ZNF536: variants seen among roughly 807,000 people sequenced by gnomAD.
ZNF536 encodes the protein zinc finger protein 536.
In ZNF536, 13 loss-of-function variants were observed where a neutral mutation model predicts 84.5. That is an observed-to-expected ratio of 0.15 (90% CI 0.10 to 0.24). The LOEUF (loss-of-function observed/expected upper bound fraction) is 0.24. ZNF536 is among the 10% of genes least tolerant of loss of function. The pLI is 1.00. For synonymous variants in ZNF536, 811 were observed against 742.5 expected (o/e 1.09, Z -1.50); for missense variants, 1,536 against 1,747.5 (o/e 0.88, Z 2.16).
At chr19:30,280,926 T>C (rs990445821) in intron 1 of ZNF536, among the ~76,000 whole-genome samples, 2 of 152,176 alleles carry the variant, frequency 1.3e-5, no homozygotes, top group Admixed American at 1.3e-4. Flanking sequence ...CTTGTATGTC[T>C]GCGTTCAGCG....
At chr19:30,339,532 A>G (rs2047496733) in intron 2 of ZNF536, among the ~76,000 whole-genome samples, 1 of 152,134 alleles carries the variant, frequency 6.6e-6, no homozygotes, top group East Asian at 1.9e-4. Context: ...TGTGGCACAC[A>G]CAGGGCTTGC....
intron 2 of ZNF536, among the ~76,000 whole-genome samples, chr19:30,301,867 C>G (rs113770812): frequency 0.013 from 1,914 of 149,888 alleles, 33 homozygotes; most frequent in African/African-American, 0.045. Flanking sequence ...AGGGGAATTA[C>G]CAGGCTGGGT....
chr19:30,432,146 C>T (rs1218848475), intron 1 of ZNF536, among the ~76,000 whole-genome samples: 1 of 152,030 alleles, frequency 6.6e-6, no homozygotes, highest in Non-Finnish European at 1.5e-5. Context: ...GGGGCTATCT[C>T]CTTCTCAAAT....
At chr19:30,407,955 T>A (rs893679919) in intron 1 of ZNF536, among the ~76,000 whole-genome samples, 2 of 152,128 alleles carry the variant, frequency 1.3e-5, no homozygotes, top group Non-Finnish European at 2.9e-5. Flanking sequence ...GTTTCCTTTG[T>A]TGAGAGGAAA....
intron 3 of ZNF536, among the ~76,000 whole-genome samples, chr19:30,538,959 G>T (rs1458384092): frequency 6.6e-6 from 1 of 152,032 alleles, no homozygotes; most frequent in Non-Finnish European, 1.5e-5. Context: ...TGTAATCCCA[G>T]CACTTTGGGA....
At position 30,456,041 on chromosome 19, in the gene ZNF536, A is replaced by G. The variant is rs546493031; in HGVS notation, c.2170+10309A>G. On this transcript the variant is annotated intron_variant, in intron 2 of 4. Transcript: ENST00000355537. ...ATGTGGTTTCTGTAGTAAACACTCAATTCTTTCATAAATAAGAGTGTGATG... is the reference window on the plus strand; with the variant it reads ...ATGTGGTTTCTGTAGTAAACACTCAGTTCTTTCATAAATAAGAGTGTGATG... Among the ~76,000 whole-genome samples the G allele has an allele frequency of 8.5e-5, 13 of 152,322 alleles. 1 individual carries two copies. Among genetic ancestry groups the G allele is most frequent in the African/African-American group, 2.9e-4 (12 of 41,566 alleles).
chr19:30,263,805 A>C (rs192902302), intron 1 of ZNF536, among the ~76,000 whole-genome samples: 1 of 152,062 alleles, frequency 6.6e-6, no homozygotes, highest in East Asian at 1.9e-4. Context: ...CTTTTCCCTG[A>C]ATCTCTCCTG....
intron 1 of ZNF536, among the ~76,000 whole-genome samples, chr19:30,651,280 T>G (rs1205054361): frequency 1.3e-5 from 2 of 152,200 alleles, no homozygotes; most frequent in African/African-American, 4.8e-5. Context: ...AAATGTTGCC[T>G]GTGTGTTTCA....
chr19:30,538,955 C>T (rs2045206234), intron 3 of ZNF536, among the ~76,000 whole-genome samples: 1 of 151,974 alleles, frequency 6.6e-6, no homozygotes, highest in South Asian at 2.1e-4. Flanking sequence ...TACCTGTAAT[C>T]CCAGCACTTT....
chr19:30,631,682 T>G (rs972924851), intron 1 of ZNF536, among the ~76,000 whole-genome samples: 1 of 152,152 alleles, frequency 6.6e-6, no homozygotes, highest in Non-Finnish European at 1.5e-5. Flanking sequence ...GGTGATTCCC[T>G]GGGTTACCAG....
intron 2 of ZNF536, among the ~76,000 whole-genome samples, chr19:30,498,942 A>C (rs2054835055): frequency 6.6e-6 from 1 of 152,030 alleles, no homozygotes; most frequent in Non-Finnish European, 1.5e-5. Context: ...CTGAATCGTC[A>C]CTGCTGTTTC....
rs79129432 is a variant in ZNF536 at position 30,590,943 on chromosome 19, A to G, written c.169+41429A>G. ...CAAGGGGCAAAGGGCACCTGCAGAAAGGAGAAGACCAAGGACTTCTGGTGT... is the reference window on the plus strand; with the variant it reads ...CAAGGGGCAAAGGGCACCTGCAGAAGGGAGAAGACCAAGGACTTCTGGTGT... On this transcript the variant is annotated intron_variant, in intron 1 of 1. Transcript: ENST00000592773. Among the ~76,000 whole-genome samples, 886 of 152,382 alleles carry G rather than the reference A, an allele frequency of 5.8e-3. 2 individuals are homozygous for G. The highest frequency in any genetic ancestry group is 8.1e-3 in the Non-Finnish European group (552 of 68,032).
intron 1 of ZNF536, among the ~76,000 whole-genome samples, chr19:30,404,730 G>GAA (rs1204004863): frequency 1.3e-5 from 2 of 151,978 alleles, no homozygotes; most frequent in Non-Finnish European, 2.9e-5. Flanking sequence ...CAAATGTCCG[G>GAA]AGGCGGGGGG....
In ZNF536 at chr19:30,531,008, G is replaced by T. The variant is rs567268436; in HGVS notation, c.2171-3839G>T. ...TGCTCCCCCAGCCTTCACTGTGCTTGGCTTTCAGCCTCTCTGGACACTTCC... is the reference window on the plus strand; with the variant it reads ...TGCTCCCCCAGCCTTCACTGTGCTTTGCTTTCAGCCTCTCTGGACACTTCC... On this transcript the variant is annotated intron_variant, in intron 2 of 4. Transcript: ENST00000355537. Among the ~76,000 whole-genome samples the T allele has an allele frequency of 2.0e-5, 3 of 152,282 alleles. No homozygotes were observed. In the South Asian group the frequency reaches 6.2e-4, roughly 32 times the overall value.
intron 1 of ZNF536, among the ~76,000 whole-genome samples, chr19:30,435,052 T>A (rs1476562760): frequency 6.7e-6 from 1 of 150,358 alleles, no homozygotes; most frequent in African/African-American, 2.5e-5. Context: ...GTGGTGATGA[T>A]GATGCTGATG....
chr19:30,290,252 T>C (rs2045790443), intron 2 of ZNF536, among the ~76,000 whole-genome samples: 1 of 152,228 alleles, frequency 6.6e-6, no homozygotes, highest in African/African-American at 2.4e-5. Context: ...AGTATGTATA[T>C]ACCACATTTT....
At chr19:30,330,397 A>G (rs1347168) in intron 2 of ZNF536, among the ~76,000 whole-genome samples, 105,269 of 152,056 alleles carry the variant, frequency 0.69, 37,550 homozygotes, top group African/African-American at 0.87. Context: ...TTTTCACTTT[A>G]CATCTGCCTT....
intron 2 of ZNF536, among the ~76,000 whole-genome samples, chr19:30,320,430 A>G (rs567178911): frequency 6.6e-6 from 1 of 152,334 alleles, no homozygotes; most frequent in African/African-American, 2.4e-5. Flanking sequence ...TCTTTCTCAG[A>G]GAAACCATGT....
chr19:30,470,927 A>G (rs534157319), intron 2 of ZNF536, among the ~76,000 whole-genome samples: 5 of 151,478 alleles, frequency 3.3e-5, no homozygotes, highest in African/African-American at 9.7e-5. Context: ...ACCTCAGACA[A>G]TCTGCCTGCC....
Sources: gnomAD v4.1 joint callset for allele counts (sites outside exome capture counted in the v4.1 genomes callset) on GRCh38, gnomAD v4.1.1 for gene constraint, MANE v1.5 for transcripts, NCBI Gene and HGNC (gene_info 2026-07-23, HGNC 2026-07-21) for gene names.